TUSC3: variants seen among roughly 807,000 people sequenced by gnomAD.
The protein encoded by TUSC3 is tumor suppressor candidate 3, also known as dolichyl-diphosphooligosaccharide--protein glycosyltransferase subunit TUSC3.
TUSC3 carries 45 observed loss-of-function variants against 44.8 expected under a neutral mutation model. The ratio of observed to expected loss-of-function variants is 1.00; its 90% CI spans 0.79 to 1.29. The LOEUF is 1.29. Among genes scored for constraint, TUSC3 ranks in the 50% most tolerant of loss-of-function variants. The pLI is 0.00. For synonymous variants in TUSC3, 212 were observed against 152.9 expected (o/e 1.39, Z -2.85); for missense variants, 519 against 437.9 (o/e 1.19, Z -1.65).
intron 10 of TUSC3, among the ~76,000 whole-genome samples, chr8:15,761,876 T>C (rs770157985): frequency 6.6e-6 from 1 of 152,112 alleles, no homozygotes; most frequent in Non-Finnish European, 1.5e-5. Context: ...AACCATAAGT[T>C]TGTGAGAACT....
At chr8:15,694,554 G>A (rs951343485) in intron 6 of TUSC3, among the ~76,000 whole-genome samples, 4 of 151,426 alleles carry the variant, frequency 2.6e-5, no homozygotes, top group East Asian at 1.9e-4. Context: ...TTTTATCTTC[G>A]TGGGCTGATG....
chr8:15,430,582 C>A lies in TUSC3; in HGVS notation n.91+13277C>A, dbSNP rs563178899. Among the ~76,000 whole-genome samples, 19 of 151,378 alleles carry A rather than the reference C, an allele frequency of 1.3e-4. No individual in the cohort carries two copies. In the South Asian group the frequency reaches 3.7e-3, roughly 30 times the overall value. ...GCAAACTGGCACAAGACAGGGATGC[C>A]CTCTCTCACCACTCCTATTCAACAT... On this transcript the variant is annotated intron_variant and non_coding_transcript_variant, in intron 1 of 5. Transcript: ENST00000503191.
At chr8:15,631,410 C>T (rs1805758696) in intron 2 of TUSC3, among the ~76,000 whole-genome samples, 1 of 152,004 alleles carries the variant, frequency 6.6e-6, no homozygotes, top group South Asian at 2.1e-4. Context: ...TATAATTTTT[C>T]CTTTAAAGTC....
chr8:15,446,079 C>G (rs1339967146), intron 1 of TUSC3, among the ~76,000 whole-genome samples: 1 of 149,992 alleles, frequency 6.7e-6, no homozygotes, highest in Non-Finnish European at 1.5e-5. Context: ...CGCTCCTCAC[C>G]TCCCAGACGG....
the TUSC3 span, among the ~76,000 whole-genome samples, chr8:15,805,426 C>T: frequency 3.3e-5 from 5 of 152,196 alleles, no homozygotes; most frequent in South Asian, 1.0e-3. Context: ...TAGGGAAATG[C>T]ATTCAGCTTT....
At position 15,757,844 on chromosome 8, in the gene TUSC3, C is replaced by G. The variant is rs371847967; in HGVS notation, c.*35C>G. The G allele has an allele frequency of 4.3e-6, 6 of 1,386,204 alleles. No individual in the cohort carries two copies. Among genetic ancestry groups the G allele is most frequent in the Non-Finnish European group, 6.2e-6 (6 of 972,626 alleles). 85.9% of individuals were successfully genotyped at this position (1,386,204 alleles called of 1,614,324 possible). On this transcript the variant is annotated 3_prime_UTR_variant, in exon 10 of 11. Transcript: ENST00000503731. ...ATTTGGACCATGGCACTTAAAAACT[C>G]TATAACCTCAGGCAAGTCTTTTAAT...
chr8:15,458,989 G>A (rs10086489), intron 1 of TUSC3, among the ~76,000 whole-genome samples: 1 of 152,096 alleles, frequency 6.6e-6, no homozygotes. Context: ...AATAGACCAG[G>A]TTCATTTTTA....
chr8:15,786,232 T>C, the TUSC3 span, among the ~76,000 whole-genome samples: 1 of 152,212 alleles, frequency 6.6e-6, no homozygotes, highest in Admixed American at 6.5e-5. Context: ...TTGTCCCTGA[T>C]AAAAGTTGAA....
At chr8:15,820,407 G>C in the TUSC3 span, among the ~76,000 whole-genome samples, 2 of 150,236 alleles carry the variant, frequency 1.3e-5, no homozygotes, top group African/African-American at 4.9e-5. Context: ...CACTTACCAG[G>C]TTCAAGCGAT....
chr8:15,669,238 TA>T (rs1217819277), intron 5 of TUSC3, among the ~76,000 whole-genome samples: 4 of 151,858 alleles, frequency 2.6e-5, no homozygotes, highest in Admixed American at 1.3e-4. Flanking sequence ...CATACTCCAG[TA>T]TGGATTGAAT....
intron 1 of TUSC3, among the ~76,000 whole-genome samples, chr8:15,587,723 C>A (rs1428148860): frequency 6.6e-6 from 1 of 152,082 alleles, no homozygotes; most frequent in Non-Finnish European, 1.5e-5. Flanking sequence ...CTATCCTCTC[C>A]TTCCCCCTAC....
the TUSC3 span, chr8:15,807,203 G>T: frequency 1.4e-6 from 1 of 723,788 alleles, no homozygotes; most frequent in East Asian, 2.5e-5. Flanking sequence ...CTTGCATGCT[G>T]CGTAGCTCGT....
intron 1 of TUSC3, among the ~76,000 whole-genome samples, chr8:15,558,847 G>A (rs1276440630): frequency 2.7e-5 from 4 of 150,128 alleles, no homozygotes; most frequent in Non-Finnish European, 5.9e-5. Flanking sequence ...GGGATCGGTG[G>A]TGATATCCCC....
rs756083815 is a variant in TUSC3, at chr8:15,723,764, T to G, written c.799-6902T>G. Among the ~76,000 whole-genome samples, 10 of 152,248 alleles carry G rather than the reference T, an allele frequency of 6.6e-5. No individual in the cohort carries two copies. The South Asian group carries it at 8.3e-4, about 13-fold the overall frequency. ...TGATGACCCAAGATACTTCCTATCT[T>G]AAGAGTTCAAAAGTATCCTTTCCTG... On this transcript the variant is annotated intron_variant, in intron 6 of 10. Transcript: ENST00000503731.
the TUSC3 span, among the ~76,000 whole-genome samples, chr8:15,798,593 G>T: frequency 1.3e-5 from 2 of 151,926 alleles, no homozygotes; most frequent in African/African-American, 4.8e-5. Flanking sequence ...GGCAGCTTTG[G>T]TTCAACCAAA....
chr8:15,760,910 A>T (rs1418647264), intron 10 of TUSC3, among the ~76,000 whole-genome samples: 1 of 152,078 alleles, frequency 6.6e-6, no homozygotes, highest in Non-Finnish European at 1.5e-5. Context: ...TTGTTCTCAG[A>T]GTTTTGCTTT....
intron 2 of TUSC3, among the ~76,000 whole-genome samples, chr8:15,493,300 G>C (rs147051694): frequency 2.2e-4 from 34 of 151,940 alleles, no homozygotes; most frequent in Admixed American, 2.0e-4. Context: ...TCTCTCTGTT[G>C]CCCAGGCTAG....
chr8:15,429,927 C>G lies in TUSC3; in HGVS notation n.91+12622C>G, dbSNP rs141291882. On this transcript the variant is annotated intron_variant and non_coding_transcript_variant, in intron 1 of 5. Transcript: ENST00000503191. Reference sequence around the variant, plus strand: ...ACACATACACCGTCCCAAGACTAAACCAGGAAGAAGTTGAATCTCTGAATA... The same window carrying G: ...ACACATACACCGTCCCAAGACTAAAGCAGGAAGAAGTTGAATCTCTGAATA... Among the ~76,000 whole-genome samples the G allele has an allele frequency of 2.9e-3, 446 of 151,654 alleles. 15 individuals are homozygous for G. The highest frequency in any genetic ancestry group is 0.01 in the African/African-American group (421 of 41,036).
At chr8:15,446,543 C>T (rs968879849) in intron 1 of TUSC3, among the ~76,000 whole-genome samples, 31 of 151,928 alleles carry the variant, frequency 2.0e-4, no homozygotes, top group African/African-American at 7.2e-4. Flanking sequence ...CCGGCCAACA[C>T]GGCGAAACCC....
Sources: gnomAD v4.1 joint callset for allele counts (sites outside exome capture counted in the v4.1 genomes callset) on GRCh38, gnomAD v4.1.1 for gene constraint, MANE v1.5 for transcripts, NCBI Gene and HGNC (gene_info 2026-07-23, HGNC 2026-07-21) for gene names.